WDR24: variants seen among roughly 807,000 people sequenced by gnomAD.
WDR24 encodes the protein WD repeat domain 24.
WDR24 carries 32 observed loss-of-function variants against 66.7 expected under a neutral mutation model. That is an observed-to-expected ratio of 0.48 (90% confidence interval 0.36 to 0.64). The LOEUF (loss-of-function observed/expected upper bound fraction) is 0.64. WDR24 is among the 30% of genes least tolerant of loss of function. The probability of loss-of-function intolerance (pLI) is 0.00; values close to 1 mark genes in which losing one functional copy is unlikely to be tolerated. For missense variants in WDR24, 978 were observed against 1,144.1 expected (o/e 0.85, Z 2.09); for synonymous variants, 565 against 469.1 (o/e 1.20, Z -2.64).
In WDR24 at chr16:685,983, G is replaced by A; in HGVS notation, c.1459C>T (p.Leu487=). Residue 487 remains leucine (L), a synonymous_variant, in exon 5 of 9, where the codon CTG becomes TTG. Transcript: ENST00000293883. ...CGLPLMNSFN[L]KDMAPGLGSE... is the part of the protein sequence containing the mutation. ...CCCAACCCTGGGGCCATATCCTTCA[G>A]GTTGAAACTGGGGGCAGGAAGGGCC... 1 of 1,613,090 alleles carries A rather than the reference G, an allele frequency of 6.2e-7. No homozygotes were observed. The highest frequency in any genetic ancestry group is 8.5e-7 in the Non-Finnish European group (1 of 1,179,992).
Position 689,560 on chromosome 16 carries a change from A to G in WDR24, c.81T>C (p.Ala27=), listed in dbSNP as rs751296717. The change falls in exon 1 of 9, where the codon GCT becomes GCC. Residue 27 remains alanine, a synonymous_variant. Transcript: ENST00000293883. ...TGRTMHCHLD[A]PANAISVCRD... ...GGCACACACTGATGGCATTGGCGGGAGCATCCAGGTGGCAGTGCATGGTGC... is the reference window on the plus strand; with the variant it reads ...GGCACACACTGATGGCATTGGCGGGGGCATCCAGGTGGCAGTGCATGGTGC... 1.2e-6 allele frequency: 2 copies of G among 1,612,706 alleles called. No homozygotes were observed. Among genetic ancestry groups the G allele is most frequent in the African/African-American group, 2.7e-5 (2 of 74,916 alleles).
chr16:689,641 G>A lies in WDR24; in HGVS notation c.-1C>T, dbSNP rs763948244. On this transcript the variant is annotated 5_prime_UTR_variant, in exon 1 of 9. Transcript: ENST00000293883. Reference sequence around the variant, plus strand: ...TGGTCACACGGGACATCTTCTCCATGGCTGCACAGGTGATGAGGTCAGGGG... The same window carrying A: ...TGGTCACACGGGACATCTTCTCCATAGCTGCACAGGTGATGAGGTCAGGGG... 3.1e-6 allele frequency: 5 copies of A among 1,611,476 alleles called. No homozygotes were observed. In the Admixed American group the frequency reaches 8.3e-5, roughly 27 times the overall value.
Position 685,860 on chromosome 16 carries a change from C to T in WDR24, c.1573+9G>A. 6.2e-7 allele frequency: 1 copy of T among 1,613,276 alleles called. No homozygotes were observed. Among genetic ancestry groups the T allele is most frequent in the East Asian group, 2.2e-5 (1 of 44,886 alleles). On this transcript the variant is annotated intron_variant, in intron 5 of 8. Coordinates refer to ENST00000293883, the MANE Select transcript of WDR24 (RefSeq NM_032259.4). ...TCTCCCATCAGCACCCCTACCCACC[C>T]CAGCCTACCCTCATTGGTGATGAGT...
intron 3 of WDR24, 132 bp downstream of exon 3, chr16:686,612 A>G: frequency 9.1e-7 from 1 of 1,104,928 alleles, no homozygotes; most frequent in Non-Finnish European, 1.3e-6. Context: ...TCAGCTACCA[A>G]GGCAAGGCCT....
At chr16:687,475 C>G in intron 2 of WDR24, 59 bp from the exon 3 acceptor site, 1 of 1,575,944 alleles carries the variant, frequency 6.3e-7, no homozygotes, top group Non-Finnish European at 8.6e-7. Context: ...AGGGGACCCC[C>G]CCGCTCTGCT....
chr16:685,068 G>A lies in WDR24; in HGVS notation c.2128C>T (p.Gln710Ter), dbSNP rs2039871740. 1.9e-6 allele frequency: 3 copies of A among 1,558,480 alleles called. No homozygotes were observed. Among genetic ancestry groups the A allele is most frequent in the Admixed American group, 1.9e-5 (1 of 52,426 alleles). Residue 710 changes from glutamine to a stop codon, truncating the protein, a stop_gained, in exon 8 of 9, where the codon CAG becomes TAG. Coordinates refer to ENST00000293883, the MANE Select transcript of WDR24 (RefSeq NM_032259.4). LOFTEE classifies it high-confidence loss of function. ...TTGACGTGCAGGGTGGTGGAGGCCT[G>A]GTTGAGGCAGCTGACGGCGCGGCTG... ...STSRAVSCLNQASTTLHVNCS... is the reference protein window; with the variant it reads ...STSRAVSCLN
At chr16:688,452 T>A (rs1176032659) in intron 1 of WDR24, among the ~76,000 whole-genome samples, 3 of 152,206 alleles carry the variant, frequency 2.0e-5, no homozygotes. Context: ...TGCGCCCAGC[T>A]AATTTTTTGT....
rs765044529 is a variant in WDR24 at position 687,728 on chromosome 16, T to G, written c.493A>C (p.Ser165Arg). 6.2e-7 allele frequency: 1 copy of G among 1,613,022 alleles called. No homozygotes were observed. Among genetic ancestry groups the G allele is most frequent in the Non-Finnish European group, 8.5e-7 (1 of 1,179,788 alleles). ...ATACTGAACTGCACGTCCCGCACGC[T>G]CTCCGACTGGCCTGCAGGCAGGAGG... ...SVSTFSGQSE[S>R]VRDVQFSIRD... Residue 165 changes from serine to arginine, a missense_variant, in exon 2 of 9, where the codon AGC (serine) becomes CGC (arginine). Physicochemically the swap from Ser to Arg is moderately radical, Grantham distance 110 (BLOSUM62 -1). This residue lies in a region of WDR24 where 302 missense variants were observed against 526.6 expected (regional missense o/e 0.57). Coordinates refer to ENST00000293883, the MANE Select transcript of WDR24 (RefSeq NM_032259.4).
In WDR24 at chr16:689,968, T is replaced by C; in HGVS notation, c.-328A>G. Reference sequence around the variant, plus strand: ...CTGGACATTCCCGGCCCAGGCCACCTCTCGGTACCCCCATCAGCCAGATCT... The same window carrying C: ...CTGGACATTCCCGGCCCAGGCCACCCCTCGGTACCCCCATCAGCCAGATCT... On this transcript the variant is annotated 5_prime_UTR_variant, in exon 1 of 9. Coordinates refer to ENST00000293883, the MANE Select transcript of WDR24 (RefSeq NM_032259.4). 1 of 569,620 alleles carries C rather than the reference T, an allele frequency of 1.8e-6. No individual in the cohort carries two copies. The highest frequency in any genetic ancestry group is 3.3e-6 in the Non-Finnish European group (1 of 300,076). 35.3% of individuals were successfully genotyped at this position (569,620 alleles called of 1,614,324 possible).
At position 690,079 on chromosome 16, in the gene WDR24, C is replaced by T. The variant is rs1304017194; in HGVS notation, c.-439G>A. 1 of 464,676 alleles carries T rather than the reference C, an allele frequency of 2.2e-6. No homozygotes were observed. The highest frequency in any genetic ancestry group is 2.3e-5 in the Admixed American group (1 of 42,764). 28.8% of individuals were successfully genotyped at this position (464,676 alleles called of 1,614,324 possible). The stretch of plus-strand genomic sequence containing the variant: ...TCCACACTGTCAGCCCTGAGGGCGG[C>T]GGGGCTCTAGGGAGGAACAAAAGAG... On this transcript the variant is annotated 5_prime_UTR_variant, in exon 1 of 9. Coordinates refer to ENST00000293883, the MANE Select transcript of WDR24 (RefSeq NM_032259.4).
chr16:685,251 A>C lies in WDR24; in HGVS notation c.2019+6T>G, dbSNP rs2039878081. ...CTGCAGGGGGGAGGCCCCGCCCACCACACACCTGGGTCTGCTCGTCGATGT... is the reference window on the plus strand; with the variant it reads ...CTGCAGGGGGGAGGCCCCGCCCACCCCACACCTGGGTCTGCTCGTCGATGT... On this transcript the variant is annotated splice_donor_region_variant and intron_variant, in intron 7 of 8. Coordinates refer to ENST00000293883, the MANE Select transcript of WDR24 (RefSeq NM_032259.4). The C allele has an allele frequency of 1.3e-6, 2 of 1,594,492 alleles. No individual in the cohort carries two copies. The highest frequency in any genetic ancestry group is 2.7e-5 in the African/African-American group (2 of 74,710).
rs2039879786 is a variant in WDR24 at position 685,317 on chromosome 16, A to G, written c.1959T>C (p.Ala653=). The change falls in exon 7 of 9, where the codon GCT becomes GCC. Residue 653 remains alanine, a synonymous_variant. Transcript: ENST00000293883. ...CACCCAGGACGATGAGCACAGACAC[A>G]GCCATCTGCACGTCGCCCTGCTCAG... ...FYAEQGDVQM[A]VSVLIVLGER... 1 of 1,605,470 alleles carries G rather than the reference A, an allele frequency of 6.2e-7. No individual in the cohort carries two copies. Among genetic ancestry groups the G allele is most frequent in the Non-Finnish European group, 8.5e-7 (1 of 1,177,520 alleles).
Position 688,444 on chromosome 16 carries a change from C to T in WDR24, c.482-705G>A, listed in dbSNP as rs1467153460. Among the ~76,000 whole-genome samples the T allele has an allele frequency of 7.2e-5, 11 of 152,366 alleles. No individual in the cohort carries two copies. The South Asian group carries it at 8.3e-4, about 11-fold the overall frequency. On this transcript the variant is annotated intron_variant, in intron 1 of 8. Transcript: ENST00000293883. The stretch of plus-strand genomic sequence containing the variant: ...CTAGGATTACAGGCGCGTGCCACTG[C>T]GCCCAGCTAATTTTTTGTTTTGTAT...
At chr16:688,044 G>A in intron 1 of WDR24, 1 of 548,096 alleles carries the variant, frequency 1.8e-6, no homozygotes, top group Non-Finnish European at 3.5e-6. Flanking sequence ...TGCGGCAGCT[G>A]AGCACTGGGA....
rs778445292 is a variant in WDR24, at chr16:685,900, G to A, written c.1542C>T (p.Leu514=). 2.5e-5 allele frequency: 41 copies of A among 1,612,968 alleles called. No individual in the cohort carries two copies. Among genetic ancestry groups the A allele is most frequent in the South Asian group, 1.5e-4 (14 of 91,050 alleles). The change falls in exon 5 of 9, where the codon CTC becomes CTT. Residue 514 remains leucine (L), a synonymous_variant. Transcript: ENST00000293883. ...KGDARSDTVL[L]DSSATLITNE... is the part of the protein sequence containing the mutation. ...TGGTGATGAGTGTGGCCGAGGAGTC[G>A]AGCAGAACTGTGTCGCTCCGTGCAT...
In WDR24 at chr16:685,879, G is replaced by A. The variant is rs752039533; in HGVS notation, c.1563C>T (p.Ile521=). 4 of 1,612,976 alleles carry A rather than the reference G, an allele frequency of 2.5e-6. No individual in the cohort carries two copies. The highest frequency in any genetic ancestry group is 1.6e-4 in the Middle Eastern group (1 of 6,084). The part of the protein sequence containing the change: ...TVLLDSSATL[I]TNEDNEETEG... The stretch of plus-strand genomic sequence containing the variant: ...CCCACCCCAGCCTACCCTCATTGGT[G>A]ATGAGTGTGGCCGAGGAGTCGAGCA... The change falls in exon 5 of 9, where the codon ATC becomes ATT. Residue 521 remains isoleucine (I), a synonymous_variant. Transcript: ENST00000293883.
intron 2 of WDR24, 61 bp downstream of exon 2, chr16:687,501 A>T: frequency 6.3e-7 from 1 of 1,593,154 alleles, no homozygotes; most frequent in South Asian, 1.1e-5. Flanking sequence ...GGACTGTCTC[A>T]TGGATCTGAG....
rs752732115 is a variant in WDR24 at position 687,191 on chromosome 16, T to C, written c.885A>G (p.Glu295=). Residue 295 remains glutamate, a synonymous_variant, in exon 3 of 9, where the codon GAA becomes GAG. Coordinates refer to ENST00000293883, the MANE Select transcript of WDR24 (RefSeq NM_032259.4). ...RPFVPAAMFE[E]HRDVTTGIAW... ...CAATTCCCGTGGTGACGTCTCGGTGTTCCTCAAACATGGCAGCTGGCACGA... is the reference window on the plus strand; with the variant it reads ...CAATTCCCGTGGTGACGTCTCGGTGCTCCTCAAACATGGCAGCTGGCACGA... 8 of 1,612,426 alleles carry C rather than the reference T, an allele frequency of 5.0e-6. No homozygotes were observed. The highest frequency in any genetic ancestry group is 4.5e-5 in the East Asian group (2 of 44,842).
rs1018477102 is a variant in WDR24 at position 684,681 on chromosome 16, G to A, written c.*53C>T. On this transcript the variant is annotated 3_prime_UTR_variant, in exon 9 of 9. Coordinates refer to ENST00000293883, the MANE Select transcript of WDR24 (RefSeq NM_032259.4). ...CAGCCTCCGCCCGTCTCGGGCACAA[G>A]ACCAGGCGGGGTTCTGCACGCGGCC... 5.9e-6 allele frequency: 9 copies of A among 1,515,440 alleles called. No homozygotes were observed. In the African/African-American group the frequency reaches 6.9e-5, roughly 12 times the overall value. The allele number at this position is 1,515,440 out of a possible 1,614,324, so 93.9% of individuals were successfully genotyped here.
Sources: gnomAD v4.1 joint callset for allele counts (sites outside exome capture counted in the v4.1 genomes callset) on GRCh38, gnomAD v4.1.1 for gene constraint, gnomAD v4.1.1 regional missense constraint, MANE v1.5 for transcripts, NCBI Gene and HGNC (gene_info 2026-07-23, HGNC 2026-07-21) for gene names.